Variants in SETD3 observed in about 807,000 individuals in gnomAD.
SETD3 encodes SET domain containing 3, actin N3(tau)-histidine methyltransferase.
A neutral mutation model predicts 63.0 loss-of-function variants in SETD3; 19 were observed. The ratio of observed to expected loss-of-function variants is 0.30; its 90% CI spans 0.21 to 0.44. The LOEUF is 0.44. Ranked by LOEUF, SETD3 falls within the 20% of genes least tolerant of loss-of-function variation. The probability of loss-of-function intolerance (pLI) is 1.00; values close to 1 mark genes in which losing one functional copy is unlikely to be tolerated. For missense variants in SETD3, 587 were observed against 728.5 expected, an observed-to-expected ratio of 0.81 and a Z score of 2.24; for synonymous variants, 286 against 264.1, an observed-to-expected ratio of 1.08 and a Z score of -0.80.
chr14:99,472,067 G>A (rs921089722), intron 1 of SETD3, among the ~76,000 whole-genome samples: 4 of 152,154 alleles, frequency 2.6e-5, no homozygotes, highest in Admixed American at 2.0e-4. Flanking sequence ...CTAAGTATAC[G>A]CAAGCTTGAT....
At chr14:99,410,179 C>G (rs1249679448) in intron 8 of SETD3, 1 of 1,612,536 alleles carries the variant, frequency 6.2e-7, no homozygotes, top group Admixed American at 1.7e-5. Flanking sequence ...GGGTCTTAGG[C>G]AGAGGCGACA....
intron 11 of SETD3, 22 bp downstream of exon 11, chr14:99,404,203 C>T (rs1223838729): frequency 2.5e-6 from 4 of 1,601,296 alleles, no homozygotes; most frequent in Non-Finnish European, 3.4e-6. Context: ...GTCAACATCT[C>T]TTTTTTCCTG....
At chr14:99,469,464 C>T (rs1431823879) in intron 1 of SETD3, among the ~76,000 whole-genome samples, 1 of 152,252 alleles carries the variant, frequency 6.6e-6, no homozygotes, top group African/African-American at 2.4e-5. Context: ...ACTGCATAGG[C>T]TGGGCGTAGT....
intron 1 of SETD3, among the ~76,000 whole-genome samples, chr14:99,477,030 T>C (rs1896007701): frequency 6.6e-6 from 1 of 152,210 alleles, no homozygotes; most frequent in African/African-American, 2.4e-5. Context: ...ATCCCAGTAC[T>C]GAGGTTAGGC....
chr14:99,404,256 C>T lies in SETD3; in HGVS notation c.1146G>A (p.Leu382=). 2 of 1,614,018 alleles carry T rather than the reference C, an allele frequency of 1.2e-6. No individual in the cohort carries two copies. Among genetic ancestry groups the T allele is most frequent in the South Asian group, 2.2e-5 (2 of 91,080 alleles). The change falls in exon 11 of 13, where the codon TTG becomes TTA. Residue 382 remains leucine, a synonymous_variant. Coordinates refer to ENST00000331768, the MANE Select transcript of SETD3 (RefSeq NM_032233.3). ...TCATACAGAATACTCGGAGAAAAGC[C>T]AAAAGCTGAGCAGAGATGGGCGGCT... ...FTEPPISAQL[L]AFLRVFCMTE... is the part of the protein sequence containing the mutation.
At chr14:99,412,606 G>C (rs1055155521) in intron 8 of SETD3, 1 of 192,520 alleles carries the variant, frequency 5.2e-6, no homozygotes, top group Non-Finnish European at 1.1e-5. Context: ...ATTTTAAAGA[G>C]AATAAGTAAA....
At chr14:99,433,647 C>A (rs771132432) in intron 6 of SETD3, among the ~76,000 whole-genome samples, 9 of 152,076 alleles carry the variant, frequency 5.9e-5, no homozygotes, top group Non-Finnish European at 1.0e-4. Flanking sequence ...CCATGTTAGC[C>A]AGGATGGTCT....
At chr14:99,425,529 A>G (rs796413804) in intron 6 of SETD3, among the ~76,000 whole-genome samples, 10 of 152,366 alleles carry the variant, frequency 6.6e-5, no homozygotes, top group African/African-American at 2.4e-4. Flanking sequence ...CTCAGCAAAC[A>G]GTAAGCAGTC....
chr14:99,430,746 C>T (rs895407756), intron 6 of SETD3, among the ~76,000 whole-genome samples: 56 of 152,286 alleles, frequency 3.7e-4, no homozygotes, highest in African/African-American at 1.3e-3. Context: ...TGAGCCCAGG[C>T]GCCACCTTCT....
chr14:99,474,269 G>T (rs2139817860), intron 1 of SETD3, among the ~76,000 whole-genome samples: 1 of 152,282 alleles, frequency 6.6e-6, no homozygotes, highest in South Asian at 2.1e-4. Context: ...AGATTGCAGT[G>T]AGCTGAGATC....
chr14:99,463,805 T>C (rs1895215264), intron 2 of SETD3, among the ~76,000 whole-genome samples: 1 of 152,050 alleles, frequency 6.6e-6, no homozygotes, highest in African/African-American at 2.4e-5. Flanking sequence ...CCACTTAACG[T>C]ACCCAAGAGA....
chr14:99,425,930 C>T (rs528763619), intron 6 of SETD3, among the ~76,000 whole-genome samples: 92 of 152,204 alleles, frequency 6.0e-4, no homozygotes, highest in Non-Finnish European at 1.2e-3. Flanking sequence ...AGCAAAATGA[C>T]CATTATTTTT....
intron 6 of SETD3, among the ~76,000 whole-genome samples, chr14:99,423,668 T>C (rs1892718804): frequency 7.1e-6 from 1 of 141,526 alleles, no homozygotes; most frequent in African/African-American, 2.6e-5. Context: ...AGCATTAAGA[T>C]ATGTTAGAAA....
chr14:99,401,436 G>C (rs1266537157), intron 11 of SETD3, among the ~76,000 whole-genome samples: 1 of 152,156 alleles, frequency 6.6e-6, no homozygotes, highest in African/African-American at 2.4e-5. Flanking sequence ...CACTATTTAC[G>C]ATTCAAACTG....
chr14:99,475,413 A>T (rs1257308408), intron 1 of SETD3, among the ~76,000 whole-genome samples: 4 of 152,274 alleles, frequency 2.6e-5, no homozygotes, highest in African/African-American at 9.6e-5. Context: ...GCAGATTGCC[A>T]GTAAGAGAAA....
At chr14:99,438,285 A>G (rs539773919) in intron 6 of SETD3, among the ~76,000 whole-genome samples, 3 of 152,346 alleles carry the variant, frequency 2.0e-5, no homozygotes, top group African/African-American at 4.8e-5. Context: ...TCACAAGCCT[A>G]TAATTTAAGA....
intron 11 of SETD3, among the ~76,000 whole-genome samples, chr14:99,403,783 A>C (rs1448313024): frequency 6.6e-6 from 1 of 152,200 alleles, no homozygotes; most frequent in Non-Finnish European, 1.5e-5. Context: ...TCAGATTTAG[A>C]ATGCAGAGTA....
chr14:99,405,433 C>A, intron 9 of SETD3, 62 bp from the exon 10 acceptor site: 6 of 1,531,650 alleles, frequency 3.9e-6, no homozygotes, highest in Non-Finnish European at 5.3e-6. Context: ...ATTCTTAACA[C>A]AGGGCAGGGC....
At chr14:99,475,997 T>A (rs1369625920) in intron 1 of SETD3, among the ~76,000 whole-genome samples, 2 of 152,258 alleles carry the variant, frequency 1.3e-5, no homozygotes, top group East Asian at 3.8e-4. Context: ...AGGATCATCC[T>A]TGCCATGTCC....
Sources: allele counts gnomAD v4.1 joint callset (sites outside exome capture counted in the v4.1 genomes callset), GRCh38; gene constraint gnomAD v4.1.1; transcripts MANE v1.5; gene names NCBI Gene and HGNC (gene_info 2026-07-23, HGNC 2026-07-21).